Variants in RPS6KC1 observed in about 807,000 individuals in gnomAD.
RPS6KC1 encodes the protein inactive ribosomal protein S6 kinase delta-1.
Under a neutral mutation model 103.8 loss-of-function variants are expected in RPS6KC1, and 54 were observed. The ratio of observed to expected loss-of-function variants is 0.52; its 90% CI spans 0.42 to 0.65. The LOEUF (loss-of-function observed/expected upper bound fraction) is 0.65, where lower values mean the gene tolerates loss of function less well. Ranked by LOEUF, RPS6KC1 falls within the 30% of genes least tolerant of loss-of-function variation. The pLI is 0.00. For missense variants in RPS6KC1, 1,151 were observed against 1,253.8 expected (o/e 0.92, Z 1.24); for synonymous variants, 439 against 438.7 (o/e 1.00, Z -0.01).
At chr1:213,568,251 G>T in the RPS6KC1 span, among the ~76,000 whole-genome samples, 1 of 152,228 alleles carries the variant, frequency 6.6e-6, no homozygotes, top group Non-Finnish European at 1.5e-5. Context: ...GACTTTCAGT[G>T]CTAGAACTGG....
chr1:213,062,843 G>A (rs1427855127), intron 1 of RPS6KC1, among the ~76,000 whole-genome samples: 3 of 152,042 alleles, frequency 2.0e-5, no homozygotes, highest in Admixed American at 1.3e-4. Context: ...GTGAGCCATC[G>A]CATCCGGGCA....
chr1:213,498,775 T>C, the RPS6KC1 span, among the ~76,000 whole-genome samples: 35,449 of 81,144 alleles, frequency 0.44, 4,923 homozygotes, highest in East Asian at 0.6. Flanking sequence ...TTCTAAGATT[T>C]TTTTTTTTTT....
chr1:213,186,038 C>A (rs1193200392), intron 8 of RPS6KC1, among the ~76,000 whole-genome samples: 1 of 151,228 alleles, frequency 6.6e-6, no homozygotes, highest in African/African-American at 2.4e-5. Context: ...ATCACCCCCA[C>A]ATTTTGAGTT....
At chr1:213,812,689 A>G in the RPS6KC1 span, among the ~76,000 whole-genome samples, 1 of 152,266 alleles carries the variant, frequency 6.6e-6, no homozygotes, top group African/African-American at 2.4e-5. Context: ...ATATGAACCA[A>G]TTCGTGTAAG....
At position 213,176,425 on chromosome 1, in the gene RPS6KC1, C is replaced by T. The variant is rs1439290270; in HGVS notation, c.977C>T (p.Pro326Leu). Residue 326 changes from proline (P) to leucine (L), a missense_variant, in exon 8 of 15, where the codon CCC (proline) becomes CTC (leucine). By Grantham distance (98) the Pro-to-Leu change is moderately conservative. Transcript: ENST00000366960. ...SQPPGSLSSRPLWNLRSPAEE... is the reference protein window; with the variant it reads ...SQPPGSLSSRLLWNLRSPAEE... ...CCTCCAGGATCACTAAGTTCAAGGCCCCTTTGGAACCTAAGGAGCCCTGCC... is the reference window on the plus strand; with the variant it reads ...CCTCCAGGATCACTAAGTTCAAGGCTCCTTTGGAACCTAAGGAGCCCTGCC... 2 of 1,607,002 alleles carry T rather than the reference C, an allele frequency of 1.2e-6. No homozygotes were observed. Among genetic ancestry groups the T allele is most frequent in the Non-Finnish European group, 1.7e-6 (2 of 1,174,870 alleles).
At chr1:213,602,078 C>CTCTTTCTTTCTT in the RPS6KC1 span, among the ~76,000 whole-genome samples, 10 of 38,584 alleles carry the variant, frequency 2.6e-4, 1 homozygote, top group South Asian at 2.0e-3. Context: ...TTCTTTCTTT[C>CTCTTTCTTTCTT]TCTTTCTTTC....
the RPS6KC1 span, among the ~76,000 whole-genome samples, chr1:213,718,722 G>A: frequency 1.9e-4 from 29 of 152,300 alleles, no homozygotes; most frequent in Admixed American, 1.6e-3. Flanking sequence ...TTTCTTGAAC[G>A]GCTTGTTCTC....
At chr1:213,504,801 AG>A in the RPS6KC1 span, among the ~76,000 whole-genome samples, 1 of 152,166 alleles carries the variant, frequency 6.6e-6, no homozygotes, top group Non-Finnish European at 1.5e-5. Flanking sequence ...GGAAGCTTCT[AG>A]AATCTTCTAA....
chr1:213,804,845 C>T, the RPS6KC1 span, among the ~76,000 whole-genome samples: 2 of 152,090 alleles, frequency 1.3e-5, no homozygotes, highest in East Asian at 1.9e-4. Flanking sequence ...TGTGAACACT[C>T]GAGTGAACAG....
the RPS6KC1 span, among the ~76,000 whole-genome samples, chr1:213,444,744 CAAA>C: frequency 1.1e-5 from 1 of 87,534 alleles, no homozygotes; most frequent in East Asian, 3.1e-4. Context: ...AACTCCAACT[CAAA>C]AAAAAAAAAA....
chr1:213,465,116 T>A, the RPS6KC1 span, among the ~76,000 whole-genome samples: 2 of 152,164 alleles, frequency 1.3e-5, no homozygotes, highest in African/African-American at 2.4e-5. Context: ...ATCTGTAGGA[T>A]CATCCAAGAC....
At chr1:213,508,982 C>T in the RPS6KC1 span, among the ~76,000 whole-genome samples, 3 of 152,172 alleles carry the variant, frequency 2.0e-5, no homozygotes, top group Non-Finnish European at 4.4e-5. Flanking sequence ...AAAGCTGTGC[C>T]TCATCCTTGG....
the RPS6KC1 span, among the ~76,000 whole-genome samples, chr1:213,771,945 G>A: frequency 2.0e-5 from 3 of 152,160 alleles, no homozygotes; most frequent in Non-Finnish European, 2.9e-5. Context: ...CTGGGCGGGC[G>A]TGGGGGTCGC....
the RPS6KC1 span, among the ~76,000 whole-genome samples, chr1:213,284,237 C>A: frequency 3.9e-5 from 6 of 152,220 alleles, no homozygotes; most frequent in African/African-American, 7.2e-5. Context: ...AGTGAATAGG[C>A]TGGACACACT....
At chr1:213,428,721 CTG>C in the RPS6KC1 span, 1 of 151,270 alleles carries the variant, frequency 6.6e-6, no homozygotes, top group African/African-American at 2.4e-5. Flanking sequence ...TATCCATTGA[CTG>C]TGTAGATTTT....
chr1:213,358,506 T>C, the RPS6KC1 span, among the ~76,000 whole-genome samples: 1 of 152,252 alleles, frequency 6.6e-6, no homozygotes, highest in Admixed American at 6.5e-5. Context: ...TTATTGCATC[T>C]ATTTGATTCT....
the RPS6KC1 span, among the ~76,000 whole-genome samples, chr1:213,861,509 A>C: frequency 6.6e-6 from 1 of 152,232 alleles, no homozygotes; most frequent in Non-Finnish European, 1.5e-5. Flanking sequence ...TCTTTTCAGT[A>C]GCCTGAGAAA....
chr1:213,139,650 T>C (rs1419473936), intron 6 of RPS6KC1, among the ~76,000 whole-genome samples: 1 of 152,052 alleles, frequency 6.6e-6, no homozygotes, highest in Non-Finnish European at 1.5e-5. Context: ...CAGATAGTTA[T>C]AGGTGTTCTG....
At chr1:213,407,643 A>G in the RPS6KC1 span, among the ~76,000 whole-genome samples, 7 of 152,346 alleles carry the variant, frequency 4.6e-5, no homozygotes, top group East Asian at 7.7e-4. Context: ...CATACTGTGC[A>G]TTTAACATTG....
Sources: gnomAD v4.1 joint callset for allele counts (sites outside exome capture counted in the v4.1 genomes callset) on GRCh38, gnomAD v4.1.1 for gene constraint, MANE v1.5 for transcripts, NCBI Gene and HGNC (gene_info 2026-07-23, HGNC 2026-07-21) for gene names.